The following PRKCH variants were observed in gnomAD, a reference collection of about 807,000 sequenced individuals.
PRKCH encodes the protein protein kinase C eta type.
Under a neutral mutation model 82.5 loss-of-function variants are expected in PRKCH, and 28 were observed. That is an observed-to-expected ratio of 0.34 (90% CI 0.25 to 0.47). The LOEUF (loss-of-function observed/expected upper bound fraction) is 0.47. Among genes scored for constraint, PRKCH ranks in the 20% least tolerant of loss-of-function variants. The pLI is 1.00. For synonymous variants in PRKCH, 322 were observed against 327.4 expected, an observed-to-expected ratio of 0.98 and a Z score of 0.18; for missense variants, 705 against 881.8, an observed-to-expected ratio of 0.80 and a Z score of 2.54.
chr14:61,252,915 T>TAC (rs921208465), intron 1 of PRKCH, among the ~76,000 whole-genome samples: 22 of 152,230 alleles, frequency 1.4e-4, no homozygotes, highest in Admixed American at 1.2e-3. Context: ...TGGTACTGAA[T>TAC]ACACACACAC....
chr14:61,424,006 G>A (rs1447342435), intron 2 of PRKCH, among the ~76,000 whole-genome samples: 1 of 152,152 alleles, frequency 6.6e-6, no homozygotes, highest in South Asian at 2.1e-4. Flanking sequence ...CACGAGAACT[G>A]ATGGTTTTAT....
chr14:61,498,421 C>T (rs972626530), intron 10 of PRKCH, among the ~76,000 whole-genome samples: 2 of 152,184 alleles, frequency 1.3e-5, no homozygotes, highest in Non-Finnish European at 2.9e-5. Flanking sequence ...GCCCCAGCCT[C>T]ACGCCGTGAC....
At chr14:61,227,322 C>T (rs907945093) in intron 1 of PRKCH, among the ~76,000 whole-genome samples, 4 of 152,156 alleles carry the variant, frequency 2.6e-5, no homozygotes, top group Admixed American at 2.0e-4. Context: ...TGGCTGGGCG[C>T]GGTGGCTCAC....
At chr14:61,339,339 T>C (rs976472805) in intron 1 of PRKCH, among the ~76,000 whole-genome samples, 15 of 151,126 alleles carry the variant, frequency 9.9e-5, no homozygotes, top group East Asian at 5.9e-4. Context: ...TTTTTTTTTT[T>C]CCGAGACGGA....
chr14:61,319,505 CA>C (rs1374518961), upstream of PRKCH, among the ~76,000 whole-genome samples: 1 of 152,144 alleles, frequency 6.6e-6, no homozygotes, highest in Non-Finnish European at 1.5e-5. Context: ...CTGGTATCGT[CA>C]TATCCCAGTC....
intron 10 of PRKCH, among the ~76,000 whole-genome samples, chr14:61,524,352 A>T (rs2042940967): frequency 6.6e-6 from 1 of 152,170 alleles, no homozygotes; most frequent in African/African-American, 2.4e-5. Flanking sequence ...GGATAGAATA[A>T]CTCTTTCTAC....
chr14:61,332,878 C>T (rs1257267263), intron 1 of PRKCH, among the ~76,000 whole-genome samples: 2 of 152,112 alleles, frequency 1.3e-5, no homozygotes, highest in East Asian at 1.9e-4. Flanking sequence ...TTGGTTTTTG[C>T]GTCTGTGATG....
chr14:61,367,151 AAC>A (rs1471693337), intron 1 of PRKCH, among the ~76,000 whole-genome samples: 3 of 152,032 alleles, frequency 2.0e-5, no homozygotes, highest in African/African-American at 7.3e-5. Context: ...TGTGTTAAAG[AAC>A]AATAGGAAAA....
In PRKCH at chr14:61,383,603, C is replaced by T. The variant is rs572318303; in HGVS notation, c.364-7622C>T. Among the ~76,000 whole-genome samples the T allele has an allele frequency of 2.6e-5, 4 of 152,146 alleles. No homozygotes were observed. The East Asian group carries it at 7.7e-4, about 29-fold the overall frequency. On this transcript the variant is annotated intron_variant, in intron 1 of 13. Transcript: ENST00000332981. Reference sequence around the variant, plus strand: ...TCATCTTCTGTGCTCGGTAACCCATCCAACCTGTAGCCCTAGGAGCTCCTC... The same window carrying T: ...TCATCTTCTGTGCTCGGTAACCCATTCAACCTGTAGCCCTAGGAGCTCCTC...
intron 1 of PRKCH, among the ~76,000 whole-genome samples, chr14:61,292,771 C>CAAAAAA (rs33918460): frequency 1.4e-5 from 1 of 69,570 alleles, no homozygotes; most frequent in East Asian, 4.2e-4. Flanking sequence ...ACTCCATCTC[C>CAAAAAA]AAAAAAAAAA....
intron 3 of PRKCH, among the ~76,000 whole-genome samples, chr14:61,444,197 C>T (rs1424658697): frequency 6.6e-6 from 1 of 152,134 alleles, no homozygotes; most frequent in African/African-American, 2.4e-5. Flanking sequence ...TTTTGAGATG[C>T]TAAACCAGCT....
At chr14:61,193,057 G>T (rs1404737544) in intron 1 of PRKCH, among the ~76,000 whole-genome samples, 1 of 152,198 alleles carries the variant, frequency 6.6e-6, no homozygotes, top group Middle Eastern at 3.2e-3. Context: ...AATAATTAAA[G>T]GCAAGGGAAG....
chr14:61,253,942 T>C (rs2044971191), intron 1 of PRKCH, among the ~76,000 whole-genome samples: 1 of 151,758 alleles, frequency 6.6e-6, no homozygotes. Context: ...CACAAATGTT[T>C]GTGTACATGT....
At chr14:61,369,940 G>C (rs2046344023) in intron 1 of PRKCH, among the ~76,000 whole-genome samples, 1 of 152,010 alleles carries the variant, frequency 6.6e-6, no homozygotes, top group African/African-American at 2.4e-5. Context: ...ATATATGTGT[G>C]TATGTATGGT....
intron 2 of PRKCH, among the ~76,000 whole-genome samples, chr14:61,403,325 G>C (rs573409906): frequency 2.6e-5 from 4 of 152,158 alleles, no homozygotes; most frequent in African/African-American, 9.6e-5. Flanking sequence ...CAAAAGCCCA[G>C]TGCTTTAAAT....
At chr14:61,443,394 G>T in intron 3 of PRKCH, 133 bp downstream of exon 3, 1 of 907,378 alleles carries the variant, frequency 1.1e-6, no homozygotes, top group South Asian at 2.6e-5. Context: ...TCTTACTCTA[G>T]TATGTTGACC....
intron 1 of PRKCH, among the ~76,000 whole-genome samples, chr14:61,236,726 A>AAAAAAG (rs1566790083): frequency 1.2e-3 from 176 of 147,068 alleles, no homozygotes; most frequent in Middle Eastern, 3.5e-3. Context: ...AAAAAAAAAA[A>AAAAAAG]AAAAAGAAAA....
chr14:61,316,419 G>T (rs1256364887), intron 1 of PRKCH, among the ~76,000 whole-genome samples: 1 of 152,210 alleles, frequency 6.6e-6, no homozygotes, highest in Non-Finnish European at 1.5e-5. Flanking sequence ...ATTATATACA[G>T]AGAAGTCTAA....
At chr14:61,335,594 A>G (rs1430930073) in intron 1 of PRKCH, among the ~76,000 whole-genome samples, 1 of 152,200 alleles carries the variant, frequency 6.6e-6, no homozygotes, top group Non-Finnish European at 1.5e-5. Flanking sequence ...CAACCCCCCC[A>G]TCTGCCAAAA....
Sources: allele counts gnomAD v4.1 joint callset (sites outside exome capture counted in the v4.1 genomes callset), GRCh38; gene constraint gnomAD v4.1.1; transcripts MANE v1.5; gene names NCBI Gene and HGNC (gene_info 2026-07-23, HGNC 2026-07-21).